The following ITCH variants were observed in gnomAD, a reference collection of about 807,000 sequenced individuals.
ITCH encodes itchy E3 ubiquitin protein ligase, also known as E3 ubiquitin-protein ligase Itchy homolog.
In ITCH, 28 loss-of-function variants were observed where a neutral mutation model predicts 126.8. That is an observed-to-expected ratio of 0.22 (90% confidence interval 0.16 to 0.30). The LOEUF is 0.30. Ranked by LOEUF, ITCH falls within the 10% of genes least tolerant of loss-of-function variation. ITCH has a pLI of 1.00. For synonymous variants in ITCH, 342 were observed against 340.0 expected (o/e 1.01, Z -0.06); for missense variants, 631 against 1,032.4 (o/e 0.61, Z 5.33).
chr20:34,478,128 G>A (rs1263683935), intron 17 of ITCH, among the ~76,000 whole-genome samples: 7 of 152,132 alleles, frequency 4.6e-5, no homozygotes, highest in African/African-American at 1.2e-4. Context: ...GGATGATGAA[G>A]AGGCTTAGAG....
At chr20:34,365,406 A>G (rs917906811) in intron 1 of ITCH, among the ~76,000 whole-genome samples, 16 of 152,212 alleles carry the variant, frequency 1.1e-4, no homozygotes, top group Admixed American at 3.3e-4. Context: ...CATTCTTTAG[A>G]AAAAAATACA....
intron 23 of ITCH, among the ~76,000 whole-genome samples, chr20:34,503,858 T>G (rs1459109171): frequency 2.4e-5 from 3 of 126,606 alleles, no homozygotes; most frequent in African/African-American, 2.9e-5. Context: ...TTTGGGTTTT[T>G]TTTTTTTTTT....
chr20:34,400,052 C>T (rs1268454251), intron 3 of ITCH, among the ~76,000 whole-genome samples: 1 of 151,932 alleles, frequency 6.6e-6, no homozygotes, highest in African/African-American at 2.4e-5. Flanking sequence ...AATTTTTCTG[C>T]GTCAGCCTCC....
rs1255924951 is a variant in ITCH at position 34,511,160 on chromosome 20, C to T, written c.*3366C>T. On this transcript the variant is annotated 3_prime_UTR_variant, in exon 25 of 25. Coordinates refer to ENST00000374864, the MANE Select transcript of ITCH (RefSeq NM_031483.7). ...TTTTTGTTTTTCTTTTAGTTATTTA[C>T]TTTGTTTGTATAATTTGCTTTCATT... is the stretch of plus-strand genomic sequence containing the variant. 4.6e-5 allele frequency: 7 copies of T among 151,856 alleles called. No homozygotes were observed. The highest frequency in any genetic ancestry group is 1.7e-4 in the African/African-American group (7 of 41,334). The allele number at this position is 151,856 out of a possible 1,614,324, so 9.4% of individuals were successfully genotyped here.
rs565327558 is a variant in ITCH, at chr20:34,509,535, C to T, written c.*1741C>T. 28 of 152,754 alleles carry T rather than the reference C, an allele frequency of 1.8e-4. No homozygotes were observed. The highest frequency in any genetic ancestry group is 1.7e-3 in the Admixed American group (26 of 15,288). 9.5% of individuals were successfully genotyped at this position (152,754 alleles called of 1,614,324 possible). A position where few individuals can be genotyped will look rare whatever the true frequency, so the allele number is the denominator to read the frequency against. On this transcript the variant is annotated 3_prime_UTR_variant, in exon 25 of 25. Transcript: ENST00000374864. ...AGATACTGCCATCATAAAGCAGAGA[C>T]TTACATGAGTGAAAGGGTTGCCTCA...
At chr20:34,491,684 G>A (rs1262654772) in intron 22 of ITCH, among the ~76,000 whole-genome samples, 2 of 152,106 alleles carry the variant, frequency 1.3e-5, no homozygotes, top group East Asian at 3.8e-4. Context: ...TACTACAATA[G>A]GATAAAAATT....
At chr20:34,417,202 T>G in intron 6 of ITCH, 2 of 675,100 alleles carry the variant, frequency 3.0e-6, no homozygotes, top group Non-Finnish European at 5.4e-6. Flanking sequence ...GTTTAAGTGA[T>G]TCTCCTATCT....
chr20:34,420,592 A>C (rs1477338541), intron 6 of ITCH, among the ~76,000 whole-genome samples: 2 of 152,130 alleles, frequency 1.3e-5, no homozygotes, highest in African/African-American at 4.8e-5. Flanking sequence ...TTTCTTTTGG[A>C]TATATACCTA....
At chr20:34,390,443 C>CTTTTTTTTT (rs546555130) in intron 2 of ITCH, among the ~76,000 whole-genome samples, 2 of 90,790 alleles carry the variant, frequency 2.2e-5, no homozygotes, top group Admixed American at 1.4e-4. Context: ...CAAGAATAAT[C>CTTTTTTTTT]TTTTTTTTTT....
intron 7 of ITCH, among the ~76,000 whole-genome samples, chr20:34,429,724 T>G (rs1982033657): frequency 6.6e-6 from 1 of 152,210 alleles, no homozygotes. Context: ...CATACCCTTT[T>G]GAGAGCTGCT....
chr20:34,456,632 C>G (rs1986025072), intron 12 of ITCH, among the ~76,000 whole-genome samples: 1 of 87,414 alleles, frequency 1.1e-5, no homozygotes, highest in Non-Finnish European at 2.5e-5. Flanking sequence ...GACCTTGTCT[C>G]CAAAAAAAAA....
chr20:34,475,093 G>A (rs1988049066), intron 16 of ITCH, among the ~76,000 whole-genome samples: 1 of 151,674 alleles, frequency 6.6e-6, no homozygotes, highest in African/African-American at 2.4e-5. Flanking sequence ...CTTCCTAGAT[G>A]TGATGGCGGC....
intron 3 of ITCH, among the ~76,000 whole-genome samples, chr20:34,395,225 T>C (rs1055907565): frequency 7.0e-6 from 1 of 142,192 alleles, no homozygotes; most frequent in South Asian, 2.2e-4. Flanking sequence ...AGAGCGAGAC[T>C]CCATCTCAAA....
At chr20:34,463,930 A>C (rs1025948262) in intron 14 of ITCH, among the ~76,000 whole-genome samples, 1 of 151,438 alleles carries the variant, frequency 6.6e-6, no homozygotes, top group African/African-American at 2.4e-5. Flanking sequence ...GTGCCCTTTG[A>C]TGTATAAAAC....
chr20:34,428,095 A>G (rs1029484976), intron 7 of ITCH, among the ~76,000 whole-genome samples: 2 of 152,206 alleles, frequency 1.3e-5, no homozygotes, highest in African/African-American at 4.8e-5. Flanking sequence ...CTTTTGTGTT[A>G]AGCATAAGTT....
intron 20 of ITCH, among the ~76,000 whole-genome samples, chr20:34,483,453 A>C (rs1988900867): frequency 6.6e-6 from 1 of 152,180 alleles, no homozygotes. Context: ...ATCTCTCTCA[A>C]GTACAATCGT....
intron 1 of ITCH, among the ~76,000 whole-genome samples, chr20:34,369,112 G>C (rs149812360): frequency 9.0e-4 from 137 of 152,146 alleles, no homozygotes; most frequent in African/African-American, 3.1e-3. Flanking sequence ...GGTGGATCAC[G>C]AGGTCAGGAG....
chr20:34,407,616 C>G (rs572815191), intron 3 of ITCH, among the ~76,000 whole-genome samples: 18 of 152,258 alleles, frequency 1.2e-4, no homozygotes, highest in South Asian at 4.2e-4. Context: ...AAGCTTATCT[C>G]CCTTCATTTA....
chr20:34,488,027 C>G (rs371733207), intron 20 of ITCH, among the ~76,000 whole-genome samples: 3 of 152,162 alleles, frequency 2.0e-5, no homozygotes, highest in Non-Finnish European at 2.9e-5. Context: ...ATTATTTCTA[C>G]GTGTCACAAA....
Sources: allele counts gnomAD v4.1 joint callset (sites outside exome capture counted in the v4.1 genomes callset), GRCh38; gene constraint gnomAD v4.1.1; transcripts MANE v1.5; gene names NCBI Gene and HGNC (gene_info 2026-07-23, HGNC 2026-07-21).